Variants in LONP2 observed in about 807,000 individuals in gnomAD.
The protein encoded by LONP2 is lon protease homolog 2, peroxisomal.
In LONP2, 60 loss-of-function variants were observed where a neutral mutation model predicts 85.6. The observed-to-expected ratio is 0.70, with a 90% CI of 0.57 to 0.87. LONP2 has a LOEUF of 0.87. Among genes scored for constraint, LONP2 ranks in the 40% least tolerant of loss-of-function variants. The probability of loss-of-function intolerance (pLI) is 0.00; values close to 1 mark genes in which losing one functional copy is unlikely to be tolerated. For missense variants in LONP2, 860 were observed against 1,063.5 expected (o/e 0.81, Z 2.66); for synonymous variants, 395 against 389.7 (o/e 1.01, Z -0.16).
At chr16:48,248,248 A>T (rs533989792) in intron 1 of LONP2, among the ~76,000 whole-genome samples, 20 of 148,942 alleles carry the variant, frequency 1.3e-4, no homozygotes, top group African/African-American at 4.7e-4. Flanking sequence ...CAGCCTCCTG[A>T]GTGTCTGGGA....
Position 48,270,119 on chromosome 16 carries a change from C to A in LONP2, c.1086C>A (p.Leu362=), listed in dbSNP as rs775797523. The A allele has an allele frequency of 4.1e-5, 66 of 1,613,822 alleles. No homozygotes were observed. Among genetic ancestry groups the A allele is most frequent in the Non-Finnish European group, 5.2e-5 (61 of 1,179,986 alleles). Residue 362 remains leucine, a synonymous_variant, in exon 7 of 15, where the codon CTC becomes CTA. Transcript: ENST00000285737. ...TGGAATACTTGGCTGTCAGACAGCT[C>A]AAAAATAACCTGAAGGGCCCAATCC... is the stretch of plus-strand genomic sequence containing the variant. The part of the protein sequence containing the change: ...RVLEYLAVRQ[L]KNNLKGPILC...
chr16:48,271,827 C>G (rs1429897980), intron 7 of LONP2, among the ~76,000 whole-genome samples: 1 of 152,178 alleles, frequency 6.6e-6, no homozygotes, highest in Non-Finnish European at 1.5e-5. Context: ...TTTCTTCTGG[C>G]AATTTCAAAA....
chr16:48,358,313 T>G (rs953192941), downstream of LONP2, among the ~76,000 whole-genome samples: 1 of 152,164 alleles, frequency 6.6e-6, no homozygotes, highest in East Asian at 1.9e-4. Flanking sequence ...TGATGAAGTG[T>G]GTAAAAAATA....
intron 6 of LONP2, among the ~76,000 whole-genome samples, chr16:48,267,855 ATCC>A (rs1972023979): frequency 6.6e-6 from 1 of 152,148 alleles, no homozygotes; most frequent in African/African-American, 2.4e-5. Context: ...ACCTCAAGTG[ATCC>A]TCCCACCTCG....
chr16:48,255,454 G>A (rs1971738900), intron 2 of LONP2, among the ~76,000 whole-genome samples: 1 of 152,206 alleles, frequency 6.6e-6, no homozygotes. Flanking sequence ...AAGAAAAGGG[G>A]AGTTTGTCAG....
chr16:48,321,766 A>G (rs905852811), intron 11 of LONP2, among the ~76,000 whole-genome samples: 1 of 152,160 alleles, frequency 6.6e-6, no homozygotes, highest in Non-Finnish European at 1.5e-5. Flanking sequence ...AACAACAAAT[A>G]AAAGCTGGTA....
chr16:48,348,642 G>A (rs1273719170), intron 14 of LONP2, among the ~76,000 whole-genome samples: 1 of 151,940 alleles, frequency 6.6e-6, no homozygotes, highest in Non-Finnish European at 1.5e-5. Flanking sequence ...ATAGGAGCAC[G>A]CCACCATGCT....
rs892781870 is a variant in LONP2, at chr16:48,299,774, T to C, written c.1647T>C (p.Leu549=). 6.8e-6 allele frequency: 11 copies of C among 1,611,606 alleles called. No individual in the cohort carries two copies. The highest frequency in any genetic ancestry group is 8.5e-6 in the Non-Finnish European group (10 of 1,179,328). The part of the protein sequence containing the change: ...QQIQIPQVTT[L]DIITRYTREA... Reference sequence around the variant, plus strand: ...TTCAGATACCCCAGGTCACCACTCTTGACATCATCACCAGGTTAGTTAGCC... The same window carrying C: ...TTCAGATACCCCAGGTCACCACTCTCGACATCATCACCAGGTTAGTTAGCC... The change falls in exon 10 of 15, where the codon CTT becomes CTC. Residue 549 remains leucine, a synonymous_variant. Coordinates refer to ENST00000285737, the MANE Select transcript of LONP2 (RefSeq NM_031490.5).
At chr16:48,276,417 G>A (rs1281710719) in intron 7 of LONP2, among the ~76,000 whole-genome samples, 1 of 152,210 alleles carries the variant, frequency 6.6e-6, no homozygotes, top group Non-Finnish European at 1.5e-5. Flanking sequence ...CTTCTCGGCA[G>A]TCAGGCTTTT....
At chr16:48,260,318 T>C (rs537355518) in intron 4 of LONP2, among the ~76,000 whole-genome samples, 1 of 152,210 alleles carries the variant, frequency 6.6e-6, no homozygotes, top group Non-Finnish European at 1.5e-5. Context: ...AGTTCTGGGC[T>C]GAATGCAGTG....
chr16:48,359,860 G>T (rs1000326940), downstream of LONP2, among the ~76,000 whole-genome samples: 1 of 152,168 alleles, frequency 6.6e-6, no homozygotes, highest in African/African-American at 2.4e-5. Context: ...GTGGGATAAG[G>T]GTGAAGCCCA....
At chr16:48,277,316 A>C (rs1972230292) in intron 7 of LONP2, 22 bp from the exon 8 acceptor site, 1 of 1,608,990 alleles carries the variant, frequency 6.2e-7, no homozygotes, top group Non-Finnish European at 8.5e-7. Context: ...CACACTGTGA[A>C]TGTGCTACTT....
chr16:48,275,524 A>G (rs994381566), intron 7 of LONP2, among the ~76,000 whole-genome samples: 1 of 152,188 alleles, frequency 6.6e-6, no homozygotes, highest in Non-Finnish European at 1.5e-5. Flanking sequence ...GGGGCCAGTA[A>G]GTGCTGTAGA....
chr16:48,289,759 T>C (rs1972521876), intron 8 of LONP2, among the ~76,000 whole-genome samples: 2 of 152,314 alleles, frequency 1.3e-5, no homozygotes, highest in African/African-American at 4.8e-5. Flanking sequence ...ATAAAAAAGA[T>C]AAATACAAAT....
intron 11 of LONP2, among the ~76,000 whole-genome samples, chr16:48,333,264 A>G (rs1450978250): frequency 2.0e-5 from 3 of 152,216 alleles, no homozygotes; most frequent in African/African-American, 7.2e-5. Context: ...TTGTATGTCT[A>G]GGTCCAAACC....
intron 11 of LONP2, among the ~76,000 whole-genome samples, chr16:48,309,826 G>T (rs1972992317): frequency 6.6e-6 from 1 of 151,916 alleles, no homozygotes; most frequent in African/African-American, 2.4e-5. Context: ...GTGGTTGTTG[G>T]GTAGAATGTT....
At chr16:48,320,723 T>C (rs1328657888) in intron 11 of LONP2, among the ~76,000 whole-genome samples, 4 of 152,154 alleles carry the variant, frequency 2.6e-5, no homozygotes, top group Non-Finnish European at 5.9e-5. Context: ...GTCTGACATT[T>C]ACACTGATTT....
chr16:48,260,795 G>A (rs1489267134), intron 4 of LONP2, among the ~76,000 whole-genome samples: 2 of 152,224 alleles, frequency 1.3e-5, no homozygotes, highest in Non-Finnish European at 2.9e-5. Flanking sequence ...ATTTTGGCAG[G>A]ATGGGAACAG....
At chr16:48,279,298 G>C (rs948091042) in intron 8 of LONP2, among the ~76,000 whole-genome samples, 1 of 152,138 alleles carries the variant, frequency 6.6e-6, no homozygotes, top group African/African-American at 2.4e-5. Flanking sequence ...ATGAGCATAG[G>C]AGTGGGGCTT....
Sources: gnomAD v4.1 joint callset for allele counts (sites outside exome capture counted in the v4.1 genomes callset) on GRCh38, gnomAD v4.1.1 for gene constraint, MANE v1.5 for transcripts, NCBI Gene and HGNC (gene_info 2026-07-23, HGNC 2026-07-21) for gene names.